USH2A: variants seen among roughly 807,000 people sequenced by gnomAD.
USH2A encodes Usher syndrome 2A (autosomal recessive, mild).
USH2A carries 443 observed loss-of-function variants against 538.9 expected under a neutral mutation model. The ratio of observed to expected loss-of-function variants is 0.82; its 90% CI spans 0.76 to 0.89. The LOEUF is 0.89. Ranked by LOEUF, USH2A falls within the 40% of genes least tolerant of loss-of-function variation. The probability of loss-of-function intolerance (pLI) is 0.00; values close to 1 mark genes in which losing one functional copy is unlikely to be tolerated. For synonymous variants in USH2A, 2,413 were observed against 2,273.5 expected (o/e 1.06, Z -1.75); for missense variants, 6,633 against 6,324.8 (o/e 1.05, Z -1.65).
chr1:215,858,626 A>G (rs1466656998), intron 44 of USH2A, among the ~76,000 whole-genome samples: 3 of 151,546 alleles, frequency 2.0e-5, no homozygotes, highest in Non-Finnish European at 4.4e-5. Flanking sequence ...ATTTCTTTAT[A>G]GCAATGTGAG....
chr1:216,311,574 C>T (rs1042606784), intron 9 of USH2A, among the ~76,000 whole-genome samples: 7 of 151,776 alleles, frequency 4.6e-5, no homozygotes, highest in East Asian at 1.9e-4. Context: ...TTCTTTTTGG[C>T]GGGAGAGGGG....
chr1:215,966,760 T>A (rs1260462405), intron 36 of USH2A, among the ~76,000 whole-genome samples: 1 of 152,176 alleles, frequency 6.6e-6, no homozygotes, highest in East Asian at 1.9e-4. Flanking sequence ...ATTATGCCTA[T>A]CTATATAGTT....
At chr1:215,943,833 T>A (rs577732686) in intron 37 of USH2A, among the ~76,000 whole-genome samples, 1 of 152,322 alleles carries the variant, frequency 6.6e-6, no homozygotes, top group East Asian at 1.9e-4. Flanking sequence ...CTTTTTGAAC[T>A]GTTGAATTCC....
Position 216,250,946 on chromosome 1 carries a change from A to G in USH2A, c.2124T>C (p.Cys708=). 1 of 1,614,006 alleles carries G rather than the reference A, an allele frequency of 6.2e-7. No individual in the cohort carries two copies. Among genetic ancestry groups the G allele is most frequent in the African/African-American group, 1.3e-5 (1 of 75,016 alleles). ...ACTTGCACTGGCCTGAATTTTGGTG[A>G]CAGGTAATATCTCCATCCACTGTCC... is the stretch of plus-strand genomic sequence containing the variant. ...TSGTVDGDIT[C]HQNSGQCKCK... The change falls in exon 12 of 72, where the codon TGT becomes TGC. Residue 708 remains cysteine, a synonymous_variant. Transcript: ENST00000307340.
chr1:215,640,414 G>T, intron 68 of USH2A, 144 bp downstream of exon 68: 1 of 1,022,078 alleles, frequency 9.8e-7, no homozygotes, highest in Non-Finnish European at 1.5e-6. Flanking sequence ...TTTATCCTGA[G>T]CAGTAACTTT....
intron 3 of USH2A, among the ~76,000 whole-genome samples, chr1:216,417,913 CTG>C (rs1159857327): frequency 6.6e-6 from 1 of 152,106 alleles, no homozygotes; most frequent in East Asian, 1.9e-4. Flanking sequence ...AAAGGATGAA[CTG>C]TGCCTCTCTT....
At chr1:215,888,085 GC>G (rs1341391451) in intron 41 of USH2A, among the ~76,000 whole-genome samples, 1 of 152,184 alleles carries the variant, frequency 6.6e-6, no homozygotes, top group Non-Finnish European at 1.5e-5. Context: ...TTGTTAATAT[GC>G]TAATTCATTC....
chr1:216,064,817 A>G (rs1169716382), intron 30 of USH2A, among the ~76,000 whole-genome samples: 1 of 152,186 alleles, frequency 6.6e-6, no homozygotes, highest in Non-Finnish European at 1.5e-5. Flanking sequence ...GGAGTAGGCT[A>G]TGTCATCTAG....
At chr1:215,889,595 C>T (rs991405363) in intron 40 of USH2A, among the ~76,000 whole-genome samples, 19 of 152,046 alleles carry the variant, frequency 1.2e-4, no homozygotes, top group African/African-American at 4.1e-4. Context: ...ATATTATAGG[C>T]GATTTTTTAC....
chr1:215,998,812 A>C, intron 34 of USH2A, 75 bp downstream of exon 34: 1 of 1,527,406 alleles, frequency 6.5e-7, no homozygotes, highest in Non-Finnish European at 9.0e-7. Context: ...TGAGAGAGAA[A>C]GAAAAGATGG....
At chr1:216,256,037 C>T (rs2036253335) in intron 11 of USH2A, among the ~76,000 whole-genome samples, 2 of 152,048 alleles carry the variant, frequency 1.3e-5, no homozygotes, top group South Asian at 2.1e-4. Context: ...CATGTTTTCT[C>T]ATATTAATAA....
At chr1:216,148,853 A>T (rs1220336217) in intron 21 of USH2A, among the ~76,000 whole-genome samples, 4 of 151,262 alleles carry the variant, frequency 2.6e-5, no homozygotes, top group Non-Finnish European at 5.9e-5. Flanking sequence ...CTTCACTTTC[A>T]CTTGGACTGA....
rs1656901953 is a variant in USH2A, at chr1:215,647,665, A to G, written c.14648T>C (p.Ile4883Thr). ...CCCCAGCCCCGTGTACTTTGTTTCT[A>G]TTTGGCTGGGAGTACAGGGGAGGGC... Reference protein sequence around the residue: ...DSALPCTPSQIETKYTGLGQK... With the variant: ...DSALPCTPSQTETKYTGLGQK... The change falls in exon 67 of 72, where the codon ATA becomes ACA. Residue 4883 changes from isoleucine to threonine, a missense_variant. Coordinates refer to ENST00000307340, the MANE Select transcript of USH2A (RefSeq NM_206933.4). 6.2e-7 allele frequency: 1 copy of G among 1,614,118 alleles called. No individual in the cohort carries two copies. Among genetic ancestry groups the G allele is most frequent in the South Asian group, 1.1e-5 (1 of 91,076 alleles).
At chr1:216,128,595 A>G (rs2033305299) in intron 21 of USH2A, among the ~76,000 whole-genome samples, 2 of 152,052 alleles carry the variant, frequency 1.3e-5, no homozygotes, top group Admixed American at 1.3e-4. Context: ...CTTTTCTTAA[A>G]TTGTAAAATT....
intron 59 of USH2A, among the ~76,000 whole-genome samples, chr1:215,742,369 T>G (rs1660329704): frequency 6.6e-6 from 1 of 152,132 alleles, no homozygotes. Context: ...AGTTACATGT[T>G]TTCTTTATTT....
At chr1:216,168,341 C>A (rs1015925865) in intron 21 of USH2A, among the ~76,000 whole-genome samples, 1 of 152,062 alleles carries the variant, frequency 6.6e-6, no homozygotes, top group Non-Finnish European at 1.5e-5. Context: ...AGAAAAGACA[C>A]TGGACAATTT....
At chr1:216,148,824 A>G (rs1455687135) in intron 21 of USH2A, among the ~76,000 whole-genome samples, 1 of 150,160 alleles carries the variant, frequency 6.7e-6, no homozygotes, top group Non-Finnish European at 1.5e-5. Context: ...ATTCCTTTGC[A>G]CCCTTAATCC....
intron 4 of USH2A, among the ~76,000 whole-genome samples, chr1:216,331,523 C>T (rs906273257): frequency 6.6e-6 from 1 of 151,882 alleles, no homozygotes; most frequent in African/African-American, 2.4e-5. Flanking sequence ...GATAATAAGG[C>T]TAAGTAACAA....
chr1:215,771,875 G>C (rs1312807603), intron 55 of USH2A, among the ~76,000 whole-genome samples: 1 of 151,920 alleles, frequency 6.6e-6, no homozygotes, highest in Non-Finnish European at 1.5e-5. Flanking sequence ...TTAATTTAAG[G>C]GAAGGCAATA....
Sources: gnomAD v4.1 joint callset for allele counts (sites outside exome capture counted in the v4.1 genomes callset) on GRCh38, gnomAD v4.1.1 for gene constraint, MANE v1.5 for transcripts, NCBI Gene and HGNC (gene_info 2026-07-23, HGNC 2026-07-21) for gene names.